The following BRD4 variants were observed in gnomAD, a reference collection of about 807,000 sequenced individuals.
BRD4 encodes bromodomain containing 4, also known as bromodomain-containing protein 4.
In BRD4, 16 loss-of-function variants were observed where a neutral mutation model predicts 142.1. The ratio of observed to expected loss-of-function variants is 0.11; its 90% CI spans 0.08 to 0.17. BRD4 has a LOEUF of 0.17. Ranked by LOEUF, BRD4 falls within the 10% of genes least tolerant of loss-of-function variation. BRD4 has a pLI of 1.00. For synonymous variants in BRD4, 833 were observed against 707.5 expected, an observed-to-expected ratio of 1.18 and a Z score of -2.82; for missense variants, 1,424 against 1,810.9, an observed-to-expected ratio of 0.79 and a Z score of 3.88.
chr19:15,260,026 G>C (rs1242464324), intron 7 of BRD4, among the ~76,000 whole-genome samples: 2 of 152,212 alleles, frequency 1.3e-5, no homozygotes, highest in African/African-American at 4.8e-5. Context: ...CAGGCATTCT[G>C]TTGGGCTGAC....
In BRD4 at chr19:15,265,442, G is replaced by T. The variant is rs753629603; in HGVS notation, c.761C>A (p.Pro254His). 8.9e-6 allele frequency: 14 copies of T among 1,571,558 alleles called. No homozygotes were observed. In the South Asian group the frequency reaches 1.5e-4, roughly 17 times the overall value. The change falls in exon 5 of 20, where the codon CCC becomes CAC. Residue 254 changes from proline (P) to histidine (H), a missense_variant. Pro to His is a moderately conservative substitution (Grantham distance 77). Transcript: ENST00000679869. ...AGCGGGTGGGGGTTGTGGCTGGGGG[G>T]GCACTGGCGGGGGCGTCTGCAGTGG... ...PQPLQTPPPV[P>H]PQPQPPPAPA...
Position 15,323,178 on chromosome 19 carries a change from T to TAAAAAA in BRD4, c.-35+9106_-35+9111dup, listed in dbSNP as rs1017018376. On this transcript the variant is annotated intron_variant, in intron 1 of 19. Coordinates refer to ENST00000679869, the MANE Select transcript of BRD4 (RefSeq NM_001379291.1). ...GCAACACAGCAAGACTCCATCTCTT[T>TAAAAAA]AAAAAAAAAAAAAAAAAAAAAAAAA... is the stretch of plus-strand genomic sequence containing the variant. Among the ~76,000 whole-genome samples, 522 of 73,060 alleles carry TAAAAAA rather than the reference T, an allele frequency of 7.1e-3. 65 individuals carry two copies. The highest frequency in any genetic ancestry group is 0.018 in the African/African-American group (291 of 16,520). 47.9% of individuals were successfully genotyped at this position (73,060 alleles called of 152,430 possible).
At chr19:15,316,943 G>A (rs1163027196) in intron 1 of BRD4, among the ~76,000 whole-genome samples, 1 of 152,182 alleles carries the variant, frequency 6.6e-6, no homozygotes, top group Non-Finnish European at 1.5e-5. Context: ...CCAGTTGGAA[G>A]GTCTCCTCCC....
At chr19:15,277,619 C>CAAA (rs67961221) in intron 1 of BRD4, among the ~76,000 whole-genome samples, 8 of 96,020 alleles carry the variant, frequency 8.3e-5, no homozygotes, top group African/African-American at 1.6e-4. Flanking sequence ...CTATCTCTAC[C>CAAA]AAAAAAAAAA....
chr19:15,282,564 G>A (rs555363247), intron 1 of BRD4, among the ~76,000 whole-genome samples: 1 of 152,278 alleles, frequency 6.6e-6, no homozygotes, highest in East Asian at 1.9e-4. Flanking sequence ...TGGTAAGTTG[G>A]CCCTTCAGGC....
intron 1 of BRD4, among the ~76,000 whole-genome samples, chr19:15,303,753 C>T (rs1053274401): frequency 6.6e-6 from 1 of 152,178 alleles, no homozygotes; most frequent in Non-Finnish European, 1.5e-5. Flanking sequence ...TATCTGCCAA[C>T]TTTAACTGTA....
intron 1 of BRD4, among the ~76,000 whole-genome samples, chr19:15,316,185 GAGA>G (rs952483507): frequency 5.0e-5 from 7 of 139,328 alleles, no homozygotes; most frequent in Admixed American, 7.2e-5. Context: ...AAAAAAGACT[GAGA>G]AGCTCACCAT....
chr19:15,280,302 G>A (rs199870693), intron 1 of BRD4: 49 of 1,011,050 alleles, frequency 4.8e-5, no homozygotes, highest in Non-Finnish European at 5.6e-5. Flanking sequence ...CAGAGGCCCA[G>A]TCATCCTACA....
chr19:15,248,349 G>A (rs1599439961), intron 11 of BRD4: 1 of 215,710 alleles, frequency 4.6e-6, no homozygotes, highest in Non-Finnish European at 9.3e-6. Flanking sequence ...CCAGTCAGAG[G>A]TGTCCATGGG....
Position 15,238,616 on chromosome 19 carries a change from C to A in BRD4, c.4020+127G>T. On this transcript the variant is annotated intron_variant, in intron 19 of 19. Transcript: ENST00000679869. The surrounding 1 kb of genome is among the most constrained non-coding windows in gnomAD (Gnocchi z 7.2). ...GGGCCCTACAGCTGAGTCCAGAGGA[C>A]CACATGCCGACCAGCAGGGACGGGG... 1 of 1,463,052 alleles carries A rather than the reference C, an allele frequency of 6.8e-7. No individual in the cohort carries two copies. Among genetic ancestry groups the A allele is most frequent in the Non-Finnish European group, 9.1e-7 (1 of 1,104,178 alleles). 90.6% of individuals were successfully genotyped at this position (1,463,052 alleles called of 1,614,324 possible). A position where few individuals can be genotyped will look rare whatever the true frequency, so the allele number is the denominator to read the frequency against.
At chr19:15,309,098 A>T (rs2047943225) in intron 1 of BRD4, among the ~76,000 whole-genome samples, 1 of 152,078 alleles carries the variant, frequency 6.6e-6, no homozygotes, top group South Asian at 2.1e-4. Flanking sequence ...GCACTTTGGG[A>T]GGCTGAGGCG....
At chr19:15,284,844 TA>T (rs1568397853) in intron 1 of BRD4, among the ~76,000 whole-genome samples, 1 of 152,214 alleles carries the variant, frequency 6.6e-6, no homozygotes, top group African/African-American at 2.4e-5. Context: ...TTGGCAGGCA[TA>T]ATCACTTTGT....
rs2047216222 is a variant in BRD4, at chr19:15,238,978, C to T, written c.3785G>A (p.Ser1262Asn). 5.7e-6 allele frequency: 9 copies of T among 1,584,584 alleles called. No homozygotes were observed. Among genetic ancestry groups the T allele is most frequent in the Non-Finnish European group, 6.9e-6 (8 of 1,167,106 alleles). The part of the protein sequence containing the change: ...KERLRQERMR[S>N]REDEDALEQA... Reference sequence around the variant, plus strand: ...CTCCAGCGCATCCTCGTCCTCTCGGCTCCTGGGCAGAGGGTCCCAGTCAGC... The same window carrying T: ...CTCCAGCGCATCCTCGTCCTCTCGGTTCCTGGGCAGAGGGTCCCAGTCAGC... Residue 1262 changes from serine to asparagine, a missense_variant and splice_region_variant, in exon 19 of 20, where the codon AGC becomes AAC. By Grantham distance (46) the Ser-to-Asn change is conservative (BLOSUM62 1). Transcript: ENST00000679869. The surrounding 1 kb of genome is among the most constrained non-coding windows in gnomAD (Gnocchi z 7.2).
intron 11 of BRD4, among the ~76,000 whole-genome samples, chr19:15,251,466 G>T (rs2047345737): frequency 7.8e-6 from 1 of 127,750 alleles, no homozygotes; most frequent in Non-Finnish European, 1.6e-5. Context: ...CGGGGGCGCG[G>T]GCCTGCAAAT....
At position 15,263,547 on chromosome 19, in the gene BRD4, G is replaced by T. The variant is rs200180943; in HGVS notation, c.1214C>A (p.Ser405Tyr). ...KHPMDMSTIKSKLEAREYRDA... is the reference protein window; with the variant it reads ...KHPMDMSTIKYKLEAREYRDA... Reference sequence around the variant, plus strand: ...ACGGTACTCACGGGCCTCCAGTTTAGACTGGAAAACAAGACAAGTCCCTGT... The same window carrying T: ...ACGGTACTCACGGGCCTCCAGTTTATACTGGAAAACAAGACAAGTCCCTGT... The change falls in exon 7 of 20, where the codon TCT becomes TAT. Residue 405 changes from serine to tyrosine, a missense_variant and splice_region_variant. Physicochemically the swap from Ser to Tyr is moderately radical, Grantham distance 144 (BLOSUM62 -2). Around this residue, in one of 16 missense-constraint regions of BRD4, gnomAD observed 26 missense variants for 20.2 expected, o/e 1.29. Transcript: ENST00000679869. 4.3e-6 allele frequency: 7 copies of T among 1,614,070 alleles called. No individual in the cohort carries two copies. Among genetic ancestry groups the T allele is most frequent in the African/African-American group, 2.7e-5 (2 of 74,940 alleles).
intron 1 of BRD4, among the ~76,000 whole-genome samples, chr19:15,284,156 C>T (rs368026887): frequency 2.0e-4 from 31 of 152,220 alleles, no homozygotes; most frequent in Admixed American, 9.8e-4. Context: ...CTGGAAAAAA[C>T]GTTACACCTG....
chr19:15,302,402 T>C (rs2047876566), intron 1 of BRD4, among the ~76,000 whole-genome samples: 1 of 152,158 alleles, frequency 6.6e-6, no homozygotes, highest in African/African-American at 2.4e-5. Flanking sequence ...TTCTCAGCCT[T>C]GTGTTTCCTG....
At chr19:15,279,015 A>T (rs980643278) in intron 1 of BRD4, among the ~76,000 whole-genome samples, 1 of 152,084 alleles carries the variant, frequency 6.6e-6, no homozygotes, top group Non-Finnish European at 1.5e-5. Context: ...CTAATTTTGT[A>T]TTTTTAGTAG....
chr19:15,293,498 G>A (rs1192841881), intron 1 of BRD4, among the ~76,000 whole-genome samples: 2 of 152,200 alleles, frequency 1.3e-5, no homozygotes, highest in African/African-American at 4.8e-5. Flanking sequence ...AGAAAAATCA[G>A]CCAAAAATTT....
Sources: gnomAD v4.1 joint callset for allele counts (sites outside exome capture counted in the v4.1 genomes callset) on GRCh38, gnomAD v4.1.1 for gene constraint, gnomAD v4.1.1 regional missense constraint, Gnocchi (gnomAD v3.1) non-coding constraint, MANE v1.5 for transcripts, NCBI Gene and HGNC (gene_info 2026-07-23, HGNC 2026-07-21) for gene names.